The following PTPRC variants were observed in gnomAD, a reference collection of about 807,000 sequenced individuals.
The protein encoded by PTPRC is receptor-type tyrosine-protein phosphatase C.
PTPRC carries 44 observed loss-of-function variants against 155.9 expected under a neutral mutation model. The observed-to-expected ratio is 0.28, with a 90% confidence interval of 0.22 to 0.36. PTPRC has a LOEUF of 0.36. PTPRC is among the 10% of genes least tolerant of loss of function. The pLI, the probability that PTPRC is intolerant of heterozygous loss-of-function variation, is 1.00. For missense variants in PTPRC, 1,401 were observed against 1,564.6 expected (o/e 0.90, Z 1.76); for synonymous variants, 525 against 533.1 (o/e 0.98, Z 0.21).
intron 3 of PTPRC, chr1:198,694,496 A>T: frequency 1.0e-6 from 1 of 1,003,524 alleles, no homozygotes; most frequent in Non-Finnish European, 1.2e-6. Context: ...ATGTTGCATG[A>T]TTTTCCTTCT....
chr1:198,648,013 A>G (rs1663028183), intron 2 of PTPRC, among the ~76,000 whole-genome samples: 1 of 151,892 alleles, frequency 6.6e-6, no homozygotes, highest in African/African-American at 2.4e-5. Context: ...AAAAATCACT[A>G]TCTTAAGATC....
At chr1:198,749,807 T>A (rs747622471) in intron 28 of PTPRC, among the ~76,000 whole-genome samples, 1 of 151,836 alleles carries the variant, frequency 6.6e-6, no homozygotes, top group East Asian at 1.9e-4. Flanking sequence ...TATAATCACA[T>A]CAATTTTAAA....
At chr1:198,639,656 A>G (rs2102161768) in intron 2 of PTPRC, among the ~76,000 whole-genome samples, 1 of 152,236 alleles carries the variant, frequency 6.6e-6, no homozygotes, top group South Asian at 2.1e-4. Context: ...AAGTGACAAT[A>G]ACACACATTT....
Position 198,756,697 on chromosome 1 carries a change from G to GTT in PTPRC, c.*518_*519dup, listed in dbSNP as rs202177084. 0.032 allele frequency: 4,953 copies of GTT among 153,680 alleles called. 143 individuals carry two copies. Among genetic ancestry groups the GTT allele is most frequent in the Admixed American group, 0.088 (1,367 of 15,466 alleles). The allele number at this position is 153,680 out of a possible 1,614,324, so 9.5% of individuals were successfully genotyped here. A position where few individuals can be genotyped will look rare whatever the true frequency, so the allele number is the denominator to read the frequency against. On this transcript the variant is annotated 3_prime_UTR_variant, in exon 33 of 33. Transcript: ENST00000442510. ...TACTCATATATATCTATCTTATATA[G>GTT]TTTACTATTTTACTTCTAGAGATAG...
intron 7 of PTPRC, chr1:198,703,973 A>C (rs902386397): frequency 5.9e-6 from 1 of 169,078 alleles, no homozygotes; most frequent in Non-Finnish European, 1.3e-5. Context: ...ATTTGTTGAC[A>C]GAGCAATTTG....
intron 23 of PTPRC, among the ~76,000 whole-genome samples, chr1:198,738,293 A>G (rs1479269049): frequency 1.3e-5 from 2 of 151,750 alleles, no homozygotes; most frequent in East Asian, 3.9e-4. Context: ...GGTGTGTCAT[A>G]TATGACTTTC....
intron 6 of PTPRC, 152 bp from the exon 7 acceptor site, chr1:198,703,146 T>C: frequency 9.8e-7 from 1 of 1,021,564 alleles, no homozygotes; most frequent in South Asian, 1.5e-5. Context: ...TTTGATTCAC[T>C]TTATTATTTT....
At chr1:198,732,168 C>A in intron 18 of PTPRC, 132 bp from the exon 19 acceptor site, 1 of 786,762 alleles carries the variant, frequency 1.3e-6, no homozygotes. Flanking sequence ...TTTGATTACT[C>A]TAAGCAAATT....
chr1:198,710,346 AT>A (rs200009594), intron 11 of PTPRC, among the ~76,000 whole-genome samples: 2,455 of 152,276 alleles, frequency 0.016, 33 homozygotes, highest in Middle Eastern at 0.02. Flanking sequence ...TTTGTAGTAA[AT>A]TTTGAAACTG....
At position 198,729,298 on chromosome 1, in the gene PTPRC, G is replaced by A. The variant is rs1571876083; in HGVS notation, c.1864+127G>A. The A allele has an allele frequency of 6.7e-6, 8 of 1,196,500 alleles. No individual in the cohort carries two copies. The East Asian group carries it at 1.6e-4, about 24-fold the overall frequency. 74.1% of individuals were successfully genotyped at this position (1,196,500 alleles called of 1,614,324 possible). A position where few individuals can be genotyped will look rare whatever the true frequency, so the allele number is the denominator to read the frequency against. ...ATTCTGTCTCCCAGGCTGAAGTGTGGTGGTGCAATCTCTGCTTATTGCAGC... is the reference window on the plus strand; with the variant it reads ...ATTCTGTCTCCCAGGCTGAAGTGTGATGGTGCAATCTCTGCTTATTGCAGC... On this transcript the variant is annotated intron_variant, in intron 17 of 32. Transcript: ENST00000442510.
At position 198,722,448 on chromosome 1, in the gene PTPRC, AC is replaced by A; in HGVS notation, c.1695del (p.Phe566LeufsTer14). 6.8e-7 allele frequency: 1 copy of A among 1,474,074 alleles called. No homozygotes were observed. The highest frequency in any genetic ancestry group is 1.5e-5 in the South Asian group (1 of 65,456). 91.3% of individuals were successfully genotyped at this position (1,474,074 alleles called of 1,614,324 possible). On this transcript the variant is annotated frameshift_variant, in exon 15 of 33. Coordinates refer to ENST00000442510, the MANE Select transcript of PTPRC (RefSeq NM_002838.5). LOFTEE classifies it high-confidence loss of function. ...YFHNGDYPGE[P>X]FILHHSTSYN... is the part of the protein sequence containing the mutation. ...TTCACAATGGAGACTATCCTGGAGA[AC>A]CCTTTATTTTACATCATTCAACATC...
intron 10 of PTPRC, among the ~76,000 whole-genome samples, chr1:198,709,269 A>G (rs1036865995): frequency 6.6e-6 from 1 of 152,232 alleles, no homozygotes; most frequent in Non-Finnish European, 1.5e-5. Flanking sequence ...GTGACTGGTC[A>G]TAGTCAAAAT....
rs1374631725 is a variant in PTPRC at position 198,692,336 on chromosome 1, C to T, written c.74-11C>T. On this transcript the variant is annotated splice_polypyrimidine_tract_variant and intron_variant, in intron 2 of 32. Transcript: ENST00000442510. ...GAAATTTTCTAAGAGATTTTTGTTTCTTCTTTGCAGGGCAAAGCCCAACAC... is the reference window on the plus strand; with the variant it reads ...GAAATTTTCTAAGAGATTTTTGTTTTTTCTTTGCAGGGCAAAGCCCAACAC... 6.6e-7 allele frequency: 1 copy of T among 1,512,824 alleles called. No individual in the cohort carries two copies. Among genetic ancestry groups the T allele is most frequent in the Non-Finnish European group, 8.9e-7 (1 of 1,124,664 alleles). The allele number at this position is 1,512,824 out of a possible 1,614,324, so 93.7% of individuals were successfully genotyped here.
At chr1:198,754,164 T>TAAAC in intron 31 of PTPRC, 105 bp from the exon 32 acceptor site, 1 of 1,361,132 alleles carries the variant, frequency 7.3e-7, no homozygotes, top group Non-Finnish European at 1.0e-6. Context: ...ATAATTATGA[T>TAAAC]AAACATGAAG....
At chr1:198,748,419 GTTTTC>G (rs1160413590) in intron 27 of PTPRC, among the ~76,000 whole-genome samples, 1 of 151,562 alleles carries the variant, frequency 6.6e-6, no homozygotes, top group Non-Finnish European at 1.5e-5. Context: ...TGTATTCAGT[GTTTTC>G]TTTTTACCAA....
chr1:198,747,969 C>T (rs963968041), intron 26 of PTPRC, 140 bp from the exon 27 acceptor site: 56 of 1,303,922 alleles, frequency 4.3e-5, no homozygotes, highest in Admixed American at 2.5e-4. Flanking sequence ...AGAGGCAAAC[C>T]GAAAAATTAT....
intron 2 of PTPRC, among the ~76,000 whole-genome samples, chr1:198,641,797 T>C (rs1416624042): frequency 6.6e-6 from 1 of 152,048 alleles, no homozygotes; most frequent in Non-Finnish European, 1.5e-5. Context: ...ATGTGAGGTA[T>C]ATGATGAGTT....
intron 15 of PTPRC, among the ~76,000 whole-genome samples, chr1:198,725,830 A>G (rs1278613945): frequency 6.6e-6 from 1 of 152,188 alleles, no homozygotes; most frequent in African/African-American, 2.4e-5. Context: ...AGGCATTCTG[A>G]GTAAATGGAA....
intron 18 of PTPRC, 122 bp from the exon 19 acceptor site, chr1:198,732,178 T>C (rs1654420676): frequency 1.2e-6 from 1 of 841,908 alleles, no homozygotes; most frequent in Admixed American, 2.1e-5. Context: ...CTAAGCAAAT[T>C]TTTTTATCAA....
Sources: allele counts gnomAD v4.1 joint callset (sites outside exome capture counted in the v4.1 genomes callset), GRCh38; gene constraint gnomAD v4.1.1; transcripts MANE v1.5; gene names NCBI Gene and HGNC (gene_info 2026-07-23, HGNC 2026-07-21).